AACS: variants seen among roughly 807,000 people sequenced by gnomAD.
AACS encodes the protein acetoacetyl-CoA synthetase.
AACS carries 69 observed loss-of-function variants against 83.1 expected under a neutral mutation model. The ratio of observed to expected loss-of-function variants is 0.83; its 90% confidence interval spans 0.68 to 1.01. The LOEUF (loss-of-function observed/expected upper bound fraction) is 1.01. AACS is among the 50% of genes least tolerant of loss of function. The pLI is 0.00. For synonymous variants in AACS, 333 were observed against 343.4 expected (o/e 0.97, Z 0.33); for missense variants, 866 against 882.2 (o/e 0.98, Z 0.23).
chr12:125,072,847 G>A (rs560208544), intron 1 of AACS, among the ~76,000 whole-genome samples: 32 of 152,206 alleles, frequency 2.1e-4, no homozygotes, highest in African/African-American at 5.8e-4. Flanking sequence ...TCTGCAAGGG[G>A]GAACTCCCCT....
intron 4 of AACS, 48 bp from the exon 5 acceptor site, chr12:125,091,378 C>T: frequency 1.3e-6 from 2 of 1,588,960 alleles, no homozygotes; most frequent in Non-Finnish European, 1.7e-6. Context: ...CATCTGCTAC[C>T]TCCCATACAC....
chr12:125,077,122 T>C (rs948358218), intron 3 of AACS, among the ~76,000 whole-genome samples: 4 of 150,324 alleles, frequency 2.7e-5, no homozygotes, highest in Non-Finnish European at 5.9e-5. Context: ...TGCTATGTTG[T>C]CCAGGGAGGT....
chr12:125,107,139 T>C lies in AACS; in HGVS notation c.786T>C (p.Phe262=), dbSNP rs759581732. The C allele has an allele frequency of 1.2e-6, 2 of 1,614,180 alleles. No individual in the cohort carries two copies. The highest frequency in any genetic ancestry group is 1.1e-5 in the South Asian group (1 of 91,076). The part of the protein sequence containing the change: ...KIPNSVFLDD[F]LATGTSEQAP... ...CCCACAGTGTGTTTCTGGATGACTTTCTTGCCACCGGCACCAGTGAGCAGG... is the reference window on the plus strand; with the variant it reads ...CCCACAGTGTGTTTCTGGATGACTTCCTTGCCACCGGCACCAGTGAGCAGG... The change falls in exon 8 of 18, where the codon TTT becomes TTC. Residue 262 remains phenylalanine (F), a synonymous_variant. Transcript: ENST00000316519.
intron 8 of AACS, among the ~76,000 whole-genome samples, chr12:125,111,074 G>A (rs1015978020): frequency 1.3e-5 from 2 of 152,194 alleles, no homozygotes; most frequent in Non-Finnish European, 2.9e-5. Flanking sequence ...GGGGGGCAAA[G>A]GCCTTATTTC....
In AACS at chr12:125,142,507, C is replaced by G. The variant is rs11058046; in HGVS notation, c.*278C>G. On this transcript the variant is annotated 3_prime_UTR_variant, in exon 18 of 18. Coordinates refer to ENST00000316519, the MANE Select transcript of AACS (RefSeq NM_023928.5). Reference sequence around the variant, plus strand: ...GTGTGTCTTTGCACACACAGTGCAGCGGGAACGGTGGGGCTGGCTGGTGCT... The same window carrying G: ...GTGTGTCTTTGCACACACAGTGCAGGGGGAACGGTGGGGCTGGCTGGTGCT... The G allele has an allele frequency of 2.5e-6, 1 of 399,576 alleles. No homozygotes were observed. The highest frequency in any genetic ancestry group is 4.6e-6 in the Non-Finnish European group (1 of 219,226). The allele number at this position is 399,576 out of a possible 1,614,324, so 24.8% of individuals were successfully genotyped here.
intron 8 of AACS, among the ~76,000 whole-genome samples, chr12:125,108,137 T>C: frequency 6.6e-6 from 1 of 152,160 alleles, no homozygotes. Context: ...GTTAGGTTAT[T>C]AGAAGGCTAG....
intron 9 of AACS, among the ~76,000 whole-genome samples, chr12:125,116,284 T>A (rs1321668105): frequency 6.6e-6 from 1 of 152,032 alleles, no homozygotes; most frequent in Non-Finnish European, 1.5e-5. Context: ...ACACGGCAAT[T>A]TAAAATGGGA....
rs1292295762 is a variant in AACS at position 125,140,232 on chromosome 12, C to G, written c.1882-1860C>G. ...TGACAGGAGGCTGCTGGGCTCCTGTCTACTTGGGGACGCCTCATGCAGGAG... is the reference window on the plus strand; with the variant it reads ...TGACAGGAGGCTGCTGGGCTCCTGTGTACTTGGGGACGCCTCATGCAGGAG... On this transcript the variant is annotated intron_variant, in intron 17 of 17. Transcript: ENST00000316519. The surrounding 1 kb of genome is among the most constrained non-coding windows in gnomAD (Gnocchi z 5.1). The G allele has an allele frequency of 1.3e-5, 2 of 152,156 alleles. No individual in the cohort carries two copies. The highest frequency in any genetic ancestry group is 3.9e-4 in the East Asian group (2 of 5,150). 9.4% of individuals were successfully genotyped at this position (152,156 alleles called of 1,614,324 possible). A position where few individuals can be genotyped will look rare whatever the true frequency, so the allele number is the denominator to read the frequency against.
chr12:125,096,069 A>G (rs1565935633), intron 5 of AACS, among the ~76,000 whole-genome samples: 1 of 152,158 alleles, frequency 6.6e-6, no homozygotes, highest in Non-Finnish European at 1.5e-5. Flanking sequence ...GGTTCACACC[A>G]TTCTCCTGCC....
At chr12:125,124,354 A>G in intron 10 of AACS, 1 of 240,192 alleles carries the variant, frequency 4.2e-6, no homozygotes, top group Middle Eastern at 1.4e-3. Flanking sequence ...ATGTGTGAGG[A>G]TAGAATTTGA....
intron 8 of AACS, among the ~76,000 whole-genome samples, chr12:125,109,321 TC>T (rs917045416): frequency 1.3e-5 from 2 of 152,026 alleles, no homozygotes; most frequent in Non-Finnish European, 2.9e-5. Flanking sequence ...CTTGCTATGT[TC>T]CCCAGGCTGG....
At chr12:125,119,058 A>C (rs745734168) in intron 10 of AACS, among the ~76,000 whole-genome samples, 1 of 152,212 alleles carries the variant, frequency 6.6e-6, no homozygotes, top group Non-Finnish European at 1.5e-5. Flanking sequence ...ATCTATTTCT[A>C]TTTTGAAGGT....
rs144337525 is a variant in AACS, at chr12:125,104,400, G to A, written c.767+1319G>A. ...ACCGTCTGTCAGGGTGTTCTCAGGG[G>A]CACCACAAGGTACAAATCATGTGTC... On this transcript the variant is annotated intron_variant, in intron 7 of 17. Coordinates refer to ENST00000316519, the MANE Select transcript of AACS (RefSeq NM_023928.5). Among the ~76,000 whole-genome samples the A allele has an allele frequency of 9.8e-5, 15 of 152,330 alleles. 1 individual carries two copies. Among genetic ancestry groups the A allele is most frequent in the African/African-American group, 2.9e-4 (12 of 41,560 alleles).
At chr12:125,138,658 T>G (rs1178250901) in intron 17 of AACS, 1 of 152,274 alleles carries the variant, frequency 6.6e-6, no homozygotes, top group Non-Finnish European at 1.5e-5. Context: ...CTGGTTGTCC[T>G]GGCTTTTGTG....
chr12:125,086,368 G>A lies in AACS; in HGVS notation c.397G>A (p.Glu133Lys), dbSNP rs1273340201. 1 of 1,614,194 alleles carries A rather than the reference G, an allele frequency of 6.2e-7. No individual in the cohort carries two copies. Among genetic ancestry groups the A allele is most frequent in the South Asian group, 1.1e-5 (1 of 91,086 alleles). Residue 133 changes from glutamate to lysine, a missense_variant, in exon 4 of 18, where the codon GAG becomes AAG. Coordinates refer to ENST00000316519, the MANE Select transcript of AACS (RefSeq NM_023928.5). Reference sequence around the variant, plus strand: ...GGAAATTGTGAAGGTGACTTTTGAAGAGCTGAGGCAAGAAGTGGCTTTGTT... The same window carrying A: ...GGAAATTGTGAAGGTGACTTTTGAAAAGCTGAGGCAAGAAGTGGCTTTGTT... ...KEEIVKVTFE[E>K]LRQEVALFAA...
At chr12:125,122,821 C>T (rs965922527) in intron 10 of AACS, 6 of 152,144 alleles carry the variant, frequency 3.9e-5, no homozygotes, top group Admixed American at 6.5e-5. Context: ...TGGGCAGTCT[C>T]GGGCACCGGG....
intron 10 of AACS, chr12:125,122,040 CGAGAGGTCTT>C (rs1201750945): frequency 2.0e-5 from 3 of 152,384 alleles, no homozygotes; most frequent in East Asian, 1.9e-4. Context: ...CGAGAGTCCT[CGAGAGGTCTT>C]GGCATTTGGG....
chr12:125,115,976 C>T (rs112437743), intron 9 of AACS, among the ~76,000 whole-genome samples: 3,515 of 152,282 alleles, frequency 0.023, 62 homozygotes, highest in Non-Finnish European at 0.033. Flanking sequence ...TGATGTGTGA[C>T]TGTGGAGAGG....
chr12:125,135,443 G>T (rs1236827521), intron 16 of AACS, among the ~76,000 whole-genome samples: 1 of 152,176 alleles, frequency 6.6e-6, no homozygotes, highest in Non-Finnish European at 1.5e-5. Context: ...CACAGAGAGG[G>T]TTCAGGATTG....
Sources: gnomAD v4.1 joint callset for allele counts (sites outside exome capture counted in the v4.1 genomes callset) on GRCh38, gnomAD v4.1.1 for gene constraint, Gnocchi (gnomAD v3.1) non-coding constraint, MANE v1.5 for transcripts, NCBI Gene and HGNC (gene_info 2026-07-23, HGNC 2026-07-21) for gene names.